SHC4: variants seen among roughly 807,000 people sequenced by gnomAD.
SHC4 encodes SHC adaptor protein 4.
SHC4 carries 41 observed loss-of-function variants against 69.4 expected under a neutral mutation model. The ratio of observed to expected loss-of-function variants is 0.59; its 90% CI spans 0.46 to 0.77. The LOEUF (loss-of-function observed/expected upper bound fraction) is 0.77, where lower values mean the gene tolerates loss of function less well. Ranked by LOEUF, SHC4 falls within the 30% of genes least tolerant of loss-of-function variation. The probability of loss-of-function intolerance (pLI) is 0.00; values close to 1 mark genes in which losing one functional copy is unlikely to be tolerated. For synonymous variants in SHC4, 318 were observed against 299.3 expected, an observed-to-expected ratio of 1.06 and a Z score of -0.64; for missense variants, 777 against 783.8, an observed-to-expected ratio of 0.99 and a Z score of 0.10.
intron 6 of SHC4, among the ~76,000 whole-genome samples, chr15:48,860,100 C>T (rs1323040834): frequency 6.6e-6 from 1 of 152,040 alleles, no homozygotes; most frequent in African/African-American, 2.4e-5. Flanking sequence ...TCAAGTATGG[C>T]TTAAATGATA....
chr15:48,842,666 T>C lies in SHC4; in HGVS notation c.1483+743A>G, dbSNP rs191019964. 1.3e-3 allele frequency among the ~76,000 whole-genome samples: 191 copies of C among 152,280 alleles called. 1 individual carries two copies. The highest frequency in any genetic ancestry group is 1.6e-3 in the Non-Finnish European group (106 of 68,018). On this transcript the variant is annotated intron_variant, in intron 10 of 11. Transcript: ENST00000332408. ...ATAAATTCAAGGCCGGGCATGGTGG[T>C]GCCTGTAATCCCAATGCTTTGAGAG...
chr15:48,836,611 T>C (rs1898903121), intron 10 of SHC4, among the ~76,000 whole-genome samples: 1 of 152,178 alleles, frequency 6.6e-6, no homozygotes, highest in Non-Finnish European at 1.5e-5. Context: ...TTTATCTTTA[T>C]AAACACAAAG....
intron 1 of SHC4, among the ~76,000 whole-genome samples, chr15:48,935,171 T>A (rs1901044346): frequency 6.6e-6 from 1 of 152,222 alleles, no homozygotes; most frequent in Non-Finnish European, 1.5e-5. Context: ...ATCCTTGATA[T>A]AAACTATTCA....
chr15:48,929,111 C>T (rs1900907781), intron 1 of SHC4, among the ~76,000 whole-genome samples: 1 of 152,068 alleles, frequency 6.6e-6, no homozygotes, highest in South Asian at 2.1e-4. Context: ...TGAGTCTTCC[C>T]ATTGACTCAC....
At chr15:48,934,038 T>C (rs1334284368) in intron 1 of SHC4, among the ~76,000 whole-genome samples, 2 of 152,150 alleles carry the variant, frequency 1.3e-5, no homozygotes, top group Non-Finnish European at 2.9e-5. Context: ...GTTTCTTAGA[T>C]ATGACACCGA....
At chr15:48,903,597 G>T (rs576863947) in intron 2 of SHC4, among the ~76,000 whole-genome samples, 7 of 152,260 alleles carry the variant, frequency 4.6e-5, no homozygotes, top group African/African-American at 1.7e-4. Context: ...ATTACGTGGA[G>T]ACCTCATTTT....
At chr15:48,882,544 G>A (rs1378748603) in intron 4 of SHC4, among the ~76,000 whole-genome samples, 1 of 152,098 alleles carries the variant, frequency 6.6e-6, no homozygotes, top group African/African-American at 2.4e-5. Context: ...GGAAAGAGAG[G>A]CTGAGAATAA....
rs115869166 is a variant in SHC4 at position 48,830,034 on chromosome 15, T to A, written c.1738-3908A>T. On this transcript the variant is annotated intron_variant, in intron 11 of 11. Transcript: ENST00000332408. ...CTTTTTGATTACAGAATTTAATATA[T>A]TTACATTTAAAGTAGTTAATACTAG... Among the ~76,000 whole-genome samples the A allele has an allele frequency of 6.7e-3, 1,015 of 152,338 alleles. 6 individuals are homozygous for A. The highest frequency in any genetic ancestry group is 0.021 in the African/African-American group (860 of 41,574).
chr15:48,922,075 A>G (rs1313267694), intron 2 of SHC4, among the ~76,000 whole-genome samples: 1 of 152,354 alleles, frequency 6.6e-6, no homozygotes, highest in South Asian at 2.1e-4. Flanking sequence ...AAATAAAATA[A>G]AATTTAAAAA....
At chr15:48,875,351 G>T (rs1224762629) in intron 4 of SHC4, among the ~76,000 whole-genome samples, 1 of 152,222 alleles carries the variant, frequency 6.6e-6, no homozygotes, top group Non-Finnish European at 1.5e-5. Flanking sequence ...AGATGTGTTT[G>T]CACTGAGAGC....
At chr15:48,827,824 T>G (rs957150253) in intron 11 of SHC4, among the ~76,000 whole-genome samples, 6 of 152,132 alleles carry the variant, frequency 3.9e-5, no homozygotes, top group African/African-American at 1.4e-4. Flanking sequence ...TTATGACTTA[T>G]TTGAAAAAAA....
chr15:48,914,210 C>A (rs1157658266), intron 2 of SHC4, among the ~76,000 whole-genome samples: 1 of 152,230 alleles, frequency 6.6e-6, no homozygotes, highest in Non-Finnish European at 1.5e-5. Context: ...TTGTCTCCCA[C>A]ATTAGTTCAT....
At chr15:48,898,456 A>G (rs1900262381) in intron 2 of SHC4, among the ~76,000 whole-genome samples, 1 of 152,236 alleles carries the variant, frequency 6.6e-6, no homozygotes, top group African/African-American at 2.4e-5. Flanking sequence ...AAAACCTTTG[A>G]GTACTGCCCA....
intron 8 of SHC4, among the ~76,000 whole-genome samples, chr15:48,851,554 C>A (rs917703441): frequency 6.6e-6 from 1 of 152,108 alleles, no homozygotes; most frequent in Non-Finnish European, 1.5e-5. Context: ...CAATCCAAGT[C>A]TCAGCCAGAA....
intron 2 of SHC4, among the ~76,000 whole-genome samples, chr15:48,909,829 T>A (rs1286533537): frequency 6.6e-6 from 1 of 152,232 alleles, no homozygotes; most frequent in Non-Finnish European, 1.5e-5. Context: ...ATTTTTATTT[T>A]TAATTTTATT....
At chr15:48,914,962 A>C (rs926589062) in intron 2 of SHC4, among the ~76,000 whole-genome samples, 1 of 152,154 alleles carries the variant, frequency 6.6e-6, no homozygotes, top group Non-Finnish European at 1.5e-5. Flanking sequence ...TTTGGATTTG[A>C]CTACTGTAGG....
chr15:48,908,229 A>G (rs1046839466), intron 2 of SHC4, among the ~76,000 whole-genome samples: 4 of 151,996 alleles, frequency 2.6e-5, no homozygotes, highest in African/African-American at 9.7e-5. Flanking sequence ...TGATTTTTTG[A>G]TTATGGCCAT....
chr15:48,853,851 T>C (rs1899262058), intron 8 of SHC4, among the ~76,000 whole-genome samples: 1 of 152,064 alleles, frequency 6.6e-6, no homozygotes, highest in Admixed American at 6.6e-5. Flanking sequence ...TATATAAACG[T>C]TAAGACCTCA....
chr15:48,890,716 A>C, intron 3 of SHC4, 32 bp downstream of exon 3: 1 of 1,613,034 alleles, frequency 6.2e-7, no homozygotes, highest in South Asian at 1.1e-5. Flanking sequence ...TAATTAGGGA[A>C]ACATAAACAA....
Sources: gnomAD v4.1 joint callset for allele counts (sites outside exome capture counted in the v4.1 genomes callset) on GRCh38, gnomAD v4.1.1 for gene constraint, MANE v1.5 for transcripts, NCBI Gene and HGNC (gene_info 2026-07-23, HGNC 2026-07-21) for gene names.